The following MCM3 variants were observed in gnomAD, a reference collection of about 807,000 sequenced individuals.
The protein encoded by MCM3 is minichromosome maintenance complex component 3.
MCM3 carries 59 observed loss-of-function variants against 91.3 expected under a neutral mutation model. That is an observed-to-expected ratio of 0.65 (90% CI 0.52 to 0.80). The LOEUF (loss-of-function observed/expected upper bound fraction) is 0.80, where lower values mean the gene tolerates loss of function less well. Among genes scored for constraint, MCM3 ranks in the 30% least tolerant of loss-of-function variants. The pLI is 0.00. For synonymous variants in MCM3, 383 were observed against 379.6 expected, an observed-to-expected ratio of 1.01 and a Z score of -0.10; for missense variants, 919 against 1,035.4, an observed-to-expected ratio of 0.89 and a Z score of 1.54.
chr6:52,278,070 C>CAAAAAAAAA (rs61625257), intron 6 of MCM3, among the ~76,000 whole-genome samples: 21 of 38,972 alleles, frequency 5.4e-4, no homozygotes, highest in South Asian at 1.8e-3. Context: ...TCCGTCTCAC[C>CAAAAAAAAA]AAAAAAAAAA....
At chr6:52,269,589 C>A (rs1321438663) in intron 12 of MCM3, among the ~76,000 whole-genome samples, 1 of 152,190 alleles carries the variant, frequency 6.6e-6, no homozygotes, top group African/African-American at 2.4e-5. Context: ...ATTTCACCCT[C>A]TTAATAACTT....
Position 52,266,070 on chromosome 6 carries a change from C to T in MCM3, c.2228+5G>A, listed in dbSNP as rs369624944. 7.4e-6 allele frequency: 12 copies of T among 1,613,408 alleles called. No homozygotes were observed. The African/African-American group carries it at 1.2e-4, about 16-fold the overall frequency. On this transcript the variant is annotated splice_donor_5th_base_variant and intron_variant, in intron 16 of 16. Coordinates refer to ENST00000596288, the MANE Select transcript of MCM3 (RefSeq NM_002388.6). ...TGAAGGGGCAGGAGCAACATCCGTACTCACCTGGATTCACTCAACTCCACT... is the reference window on the plus strand; with the variant it reads ...TGAAGGGGCAGGAGCAACATCCGTATTCACCTGGATTCACTCAACTCCACT...
intron 11 of MCM3, 87 bp from the exon 12 acceptor site, chr6:52,272,538 G>T: frequency 6.6e-7 from 1 of 1,510,098 alleles, no homozygotes; most frequent in Non-Finnish European, 9.1e-7. Context: ...AAAAGCCAGG[G>T]TCAAAACAAA....
At chr6:52,281,308 C>T (rs17239880) in intron 4 of MCM3, among the ~76,000 whole-genome samples, 9 of 152,296 alleles carry the variant, frequency 5.9e-5, no homozygotes, top group Admixed American at 5.9e-4. Context: ...GTTGTTAAAA[C>T]ATCTATGTAG....
rs17246640 is a variant in MCM3, at chr6:52,264,411, T to G, written c.*177A>C. On this transcript the variant is annotated 3_prime_UTR_variant, in exon 17 of 17. Transcript: ENST00000596288. ...TTTCCTCACCCCATGGCAGCTTTCA[T>G]GACCCATTCCCAAAGGGTCCACCGA... 9,954 of 631,568 alleles carry G rather than the reference T, an allele frequency of 0.016. 143 individuals are homozygous for G. Among genetic ancestry groups the G allele is most frequent in the Middle Eastern group, 0.025 (57 of 2,302 alleles). 39.1% of individuals were successfully genotyped at this position (631,568 alleles called of 1,614,324 possible).
Position 52,277,542 on chromosome 6 carries a change from A to G in MCM3, c.1026T>C (p.Leu342=). ...GSHIRGDINI[L]LIGDPSVAKS... Reference sequence around the variant, plus strand: ...AAATCCCCAACATCGTACCTATTAGAAGAATATTGATGTCCCCACGGATGT... The same window carrying G: ...AAATCCCCAACATCGTACCTATTAGGAGAATATTGATGTCCCCACGGATGT... The change falls in exon 7 of 17, where the codon CTT becomes CTC. Residue 342 remains leucine (L), a synonymous_variant. Transcript: ENST00000596288. The G allele has an allele frequency of 1.2e-6, 2 of 1,613,292 alleles. No homozygotes were observed. Among genetic ancestry groups the G allele is most frequent in the Non-Finnish European group, 1.7e-6 (2 of 1,179,670 alleles).
chr6:52,267,231 T>C lies in MCM3; in HGVS notation c.2073-535A>G, dbSNP rs567613445. On this transcript the variant is annotated intron_variant, in intron 14 of 16. Transcript: ENST00000596288. ...CTCCTGCCTCAGCCTCCCAAGTAGC[T>C]GGGACTACAGGTGCCTGCCACCACG... Among the ~76,000 whole-genome samples the C allele has an allele frequency of 4.8e-4, 73 of 151,008 alleles. 3 individuals carry two copies. In the South Asian group the frequency reaches 0.015, roughly 31 times the overall value.
chr6:52,276,187 C>T, intron 9 of MCM3, 81 bp downstream of exon 9: 1 of 1,309,000 alleles, frequency 7.6e-7, no homozygotes, highest in South Asian at 1.4e-5. Flanking sequence ...CCCTGGGTCA[C>T]CTAGAATACA....
chr6:52,278,107 TGAAG>T (rs1219687913), intron 6 of MCM3, among the ~76,000 whole-genome samples: 2 of 133,602 alleles, frequency 1.5e-5, no homozygotes, highest in Non-Finnish European at 3.3e-5. Context: ...AGAAAATACT[TGAAG>T]AAACACACAA....
rs947072812 is a variant in MCM3 at position 52,279,119 on chromosome 6, C to T, written c.770+242G>A. Among the ~76,000 whole-genome samples the T allele has an allele frequency of 2.0e-5, 3 of 152,156 alleles. No homozygotes were observed. In the South Asian group the frequency reaches 6.2e-4, roughly 31 times the overall value. ...CGAAGTGTAATTAAATGAGAAACTC[C>T]CAGGAAAGCCATGAGGCTGTAATCA... On this transcript the variant is annotated intron_variant, in intron 5 of 16. Transcript: ENST00000596288.
intron 10 of MCM3, 147 bp from the exon 11 acceptor site, chr6:52,273,503 G>C: frequency 1.1e-6 from 1 of 873,092 alleles, no homozygotes; most frequent in East Asian, 2.6e-5. Flanking sequence ...CACAAATAAA[G>C]ATAGTGGAAC....
At position 52,264,644 on chromosome 6, in the gene MCM3, T is replaced by G. The variant is rs1418052192; in HGVS notation, c.2371A>C (p.Lys791Gln). The G allele has an allele frequency of 1.2e-6, 2 of 1,614,084 alleles. No homozygotes were observed. Among genetic ancestry groups the G allele is most frequent in the Non-Finnish European group, 1.7e-6 (2 of 1,180,042 alleles). ...ATGACCTGATTGTCATCCTGCATCT[T>G]GCTCAGAGCAGCCTGGATCTCAACT... ...SSVEIQAALS[K>Q]MQDDNQVMVS... The change falls in exon 17 of 17, where the codon AAG becomes CAG. Residue 791 changes from lysine to glutamine, a missense_variant. Around this residue, in one of 3 missense-constraint regions of MCM3, gnomAD observed 285 missense variants for 311.4 expected, o/e 0.92. Coordinates refer to ENST00000596288, the MANE Select transcript of MCM3 (RefSeq NM_002388.6).
chr6:52,264,349 A>G lies in MCM3; in HGVS notation c.*239T>C, dbSNP rs969943869. 14 of 497,574 alleles carry G rather than the reference A, an allele frequency of 2.8e-5. No individual in the cohort carries two copies. The highest frequency in any genetic ancestry group is 2.7e-4 in the African/African-American group (14 of 51,974). The allele number at this position is 497,574 out of a possible 1,614,324, so 30.8% of individuals were successfully genotyped here. A position where few individuals can be genotyped will look rare whatever the true frequency, so the allele number is the denominator to read the frequency against. On this transcript the variant is annotated 3_prime_UTR_variant, in exon 17 of 17. Transcript: ENST00000596288. The stretch of plus-strand genomic sequence containing the variant: ...GGATGAGCCAGTGCTTTTGCAATGA[A>G]GATGCAATAGTCATTGTCCTCTCCC...
At chr6:52,274,553 T>C (rs572096416) in intron 9 of MCM3, among the ~76,000 whole-genome samples, 2 of 151,982 alleles carry the variant, frequency 1.3e-5, no homozygotes, top group Non-Finnish European at 2.9e-5. Context: ...CCAGGCATGG[T>C]GGTACGCATC....
intron 14 of MCM3, 120 bp downstream of exon 14, chr6:52,267,745 C>CA (rs1764759044): frequency 1.5e-6 from 1 of 680,916 alleles, no homozygotes; most frequent in Non-Finnish European, 2.7e-6. Context: ...AGGCTGGTCT[C>CA]AAACTCCTGG....
chr6:52,280,551 A>G (rs796993942), intron 4 of MCM3, among the ~76,000 whole-genome samples: 22 of 152,368 alleles, frequency 1.4e-4, no homozygotes, highest in African/African-American at 4.8e-4. Context: ...CAGAGTCTTG[A>G]CTTGATACAG....
At position 52,284,701 on chromosome 6, in the gene MCM3, C is replaced by T. The variant is rs1216576028; in HGVS notation, c.-27G>A. 1.3e-6 allele frequency: 2 copies of T among 1,596,278 alleles called. No homozygotes were observed. Among genetic ancestry groups the T allele is most frequent in the Admixed American group, 1.8e-5 (1 of 56,872 alleles). On this transcript the variant is annotated 5_prime_UTR_variant, in exon 1 of 17. Coordinates refer to ENST00000596288, the MANE Select transcript of MCM3 (RefSeq NM_002388.6). ...CCCGCTGCCAAAGAACTACCTCCAC[C>T]AAAGTCGCGTGGAGGTTCCCAGGAT...
At chr6:52,282,019 C>G in intron 4 of MCM3, 26 bp downstream of exon 4, 7 of 1,612,278 alleles carry the variant, frequency 4.3e-6, no homozygotes, top group Non-Finnish European at 4.2e-6. Context: ...ACCTCCAAGA[C>G]AGCTCAACTG....
chr6:52,278,980 G>T, intron 5 of MCM3, 130 bp from the exon 6 acceptor site: 1 of 604,668 alleles, frequency 1.7e-6, no homozygotes, highest in Non-Finnish European at 2.9e-6. Context: ...GTGGGGAGGG[G>T]GCAGGTAGCT....
Sources: gnomAD v4.1 joint callset for allele counts (sites outside exome capture counted in the v4.1 genomes callset) on GRCh38, gnomAD v4.1.1 for gene constraint, gnomAD v4.1.1 regional missense constraint, MANE v1.5 for transcripts, NCBI Gene and HGNC (gene_info 2026-07-23, HGNC 2026-07-21) for gene names.